The following SEMA6A variants were observed in gnomAD, a reference collection of about 807,000 sequenced individuals.
SEMA6A encodes the protein semaphorin 6A.
A neutral mutation model predicts 96.8 loss-of-function variants in SEMA6A; 25 were observed. The ratio of observed to expected loss-of-function variants is 0.26; its 90% CI spans 0.19 to 0.36. The LOEUF (loss-of-function observed/expected upper bound fraction) is 0.36. Among genes scored for constraint, SEMA6A ranks in the 10% least tolerant of loss-of-function variants. The pLI, the probability that SEMA6A is intolerant of heterozygous loss-of-function variation, is 1.00. For synonymous variants in SEMA6A, 612 were observed against 518.0 expected (o/e 1.18, Z -2.46); for missense variants, 1,363 against 1,323.1 (o/e 1.03, Z -0.47).
In SEMA6A at chr5:116,467,452, G is replaced by A. The variant is rs139167885; in HGVS notation, c.1894+131C>T. On this transcript the variant is annotated intron_variant, in intron 18 of 18. Transcript: ENST00000343348. ...AGAGGATGGGGTTGCAGTCTTTTTC[G>A]AGAAACTTTCAATCATAGCGCATTG... 1.5e-4 allele frequency: 134 copies of A among 871,796 alleles called. No homozygotes were observed. The African/African-American group carries it at 2.0e-3, about 13-fold the overall frequency. The allele number at this position is 871,796 out of a possible 1,614,324, so 54.0% of individuals were successfully genotyped here. A position where few individuals can be genotyped will look rare whatever the true frequency, so the allele number is the denominator to read the frequency against.
intron 1 of SEMA6A, among the ~76,000 whole-genome samples, chr5:116,524,210 A>T (rs1759100416): frequency 6.6e-6 from 1 of 152,194 alleles, no homozygotes; most frequent in South Asian, 2.1e-4. Flanking sequence ...GATGCTGTGG[A>T]GAAGAAGCCA....
chr5:116,516,522 T>C (rs1758676475), intron 1 of SEMA6A, among the ~76,000 whole-genome samples: 1 of 152,174 alleles, frequency 6.6e-6, no homozygotes, highest in African/African-American at 2.4e-5. Flanking sequence ...AATATCTTTA[T>C]TGGCTTTGCT....
At chr5:116,495,988 C>A (rs1017259446) in intron 5 of SEMA6A, 14 of 412,264 alleles carry the variant, frequency 3.4e-5, no homozygotes, top group Admixed American at 2.8e-4. Context: ...GAAGACAAGA[C>A]TCTGGGCAGC....
At chr5:116,454,051 C>A (rs563290530) in intron 18 of SEMA6A, among the ~76,000 whole-genome samples, 1 of 152,168 alleles carries the variant, frequency 6.6e-6, no homozygotes, top group African/African-American at 2.4e-5. Context: ...CACCCCCTTT[C>A]ACTGGACGGC....
At chr5:116,475,513 A>T in intron 16 of SEMA6A, 32 bp downstream of exon 16, 1 of 1,525,750 alleles carries the variant, frequency 6.6e-7, no homozygotes. Context: ...ATCTTTGCCC[A>T]AAGATAAAAA....
At position 116,447,257 on chromosome 5, in the gene SEMA6A, C is replaced by T; in HGVS notation, c.2449G>A (p.Val817Ile). ...ASPSHIPSVV[V>I]LPITQQGYQH... ...TAGCCCTGCTGCGTGATGGGCAGGA[C>T]CACCACGCTGGGGATGTGGCTGGGG... is the stretch of plus-strand genomic sequence containing the variant. The change falls in exon 19 of 19, where the codon GTC (valine) becomes ATC (isoleucine). Residue 817 changes from valine (V) to isoleucine (I), a missense_variant. Val to Ile is a conservative substitution (Grantham distance 29, BLOSUM62 3). This residue lies in a region of SEMA6A where 883 missense variants were observed against 763.6 expected (regional missense o/e 1.16). Transcript: ENST00000343348. The T allele has an allele frequency of 6.2e-7, 1 of 1,613,954 alleles. No individual in the cohort carries two copies. Among genetic ancestry groups the T allele is most frequent in the Non-Finnish European group, 8.5e-7 (1 of 1,179,902 alleles).
intron 18 of SEMA6A, among the ~76,000 whole-genome samples, chr5:116,455,927 T>A (rs1243687936): frequency 2.0e-5 from 3 of 152,112 alleles, no homozygotes; most frequent in Non-Finnish European, 4.4e-5. Context: ...AAGGACTAAA[T>A]AGGTTGAATA....
chr5:116,483,176 A>G (rs893734551), intron 10 of SEMA6A, among the ~76,000 whole-genome samples: 3 of 152,242 alleles, frequency 2.0e-5, no homozygotes, highest in Non-Finnish European at 4.4e-5. Flanking sequence ...TTGCAAATAA[A>G]GTACTTTATA....
In SEMA6A at chr5:116,512,395, A is replaced by G. The variant is rs553997741; in HGVS notation, c.-38-7413T>C. Among the ~76,000 whole-genome samples, 28 of 152,310 alleles carry G rather than the reference A, an allele frequency of 1.8e-4. No homozygotes were observed. The East Asian group carries it at 5.4e-3, about 29-fold the overall frequency. ...TCTCAGCCATTAAGAGAGACATAAA[A>G]GCACCCATTTTGGAGGAAAGGGAAA... On this transcript the variant is annotated intron_variant, in intron 1 of 18. Transcript: ENST00000343348.
chr5:116,479,916 C>T (rs1465132201), intron 12 of SEMA6A, among the ~76,000 whole-genome samples: 1 of 152,134 alleles, frequency 6.6e-6, no homozygotes, highest in African/African-American at 2.4e-5. Flanking sequence ...GTCCAACTAG[C>T]CTGAAAATAT....
chr5:116,519,521 G>A (rs528094763), intron 1 of SEMA6A, among the ~76,000 whole-genome samples: 2 of 152,220 alleles, frequency 1.3e-5, no homozygotes, highest in African/African-American at 4.8e-5. Context: ...TTTAGAAATG[G>A]CTGAGTTTCT....
At chr5:116,479,055 G>C (rs978058015) in intron 12 of SEMA6A, among the ~76,000 whole-genome samples, 1 of 152,122 alleles carries the variant, frequency 6.6e-6, no homozygotes, top group Admixed American at 6.5e-5. Flanking sequence ...TGTCTCCTAT[G>C]AGGAGGGTAA....
intron 12 of SEMA6A, 110 bp downstream of exon 12, chr5:116,480,012 C>T: frequency 7.7e-7 from 1 of 1,290,688 alleles, no homozygotes; most frequent in Non-Finnish European, 1.1e-6. Context: ...AATGAATGCC[C>T]AGGATAGCAG....
In SEMA6A at chr5:116,463,660, A is replaced by T. The variant is rs562889866; in HGVS notation, c.1894+3923T>A. On this transcript the variant is annotated intron_variant, in intron 18 of 18. Transcript: ENST00000343348. ...TTAATGTGCATATTTTCTGGACTAA[A>T]TGTAATAATGTGATAATATCTCACT... Among the ~76,000 whole-genome samples the T allele has an allele frequency of 2.2e-3, 328 of 152,302 alleles. 4 individuals carry two copies. Among genetic ancestry groups the T allele is most frequent in the African/African-American group, 7.6e-3 (316 of 41,572 alleles).
chr5:116,571,222 T>A (rs1208808318), intron 1 of SEMA6A, among the ~76,000 whole-genome samples: 2 of 152,262 alleles, frequency 1.3e-5, no homozygotes, highest in Non-Finnish European at 2.9e-5. Flanking sequence ...TGTTCTATAC[T>A]GGTTCTTATA....
At chr5:116,491,863 A>C in intron 6 of SEMA6A, 33 bp from the exon 7 acceptor site, 1 of 1,522,152 alleles carries the variant, frequency 6.6e-7, no homozygotes, top group Non-Finnish European at 9.1e-7. Context: ...ATTACAAACA[A>C]CAACCTTTTC....
At chr5:116,521,267 G>A (rs983126158) in intron 1 of SEMA6A, among the ~76,000 whole-genome samples, 3 of 152,192 alleles carry the variant, frequency 2.0e-5, no homozygotes, top group Non-Finnish European at 4.4e-5. Flanking sequence ...TCAAGCACTG[G>A]CTTGTTACTA....
At chr5:116,563,195 G>T (rs1330942318) in intron 1 of SEMA6A, among the ~76,000 whole-genome samples, 1 of 152,154 alleles carries the variant, frequency 6.6e-6, no homozygotes, top group Non-Finnish European at 1.5e-5. Flanking sequence ...TTATTTGAAA[G>T]AACTGGGGCA....
intron 4 of SEMA6A, among the ~76,000 whole-genome samples, 160 bp downstream of exon 4, chr5:116,497,167 C>T (rs1484066392): frequency 1.3e-5 from 2 of 152,162 alleles, no homozygotes; most frequent in African/African-American, 4.8e-5. Context: ...GAACATGTAT[C>T]AAATCCTAAC....
Sources: gnomAD v4.1 joint callset for allele counts (sites outside exome capture counted in the v4.1 genomes callset) on GRCh38, gnomAD v4.1.1 for gene constraint, gnomAD v4.1.1 regional missense constraint, MANE v1.5 for transcripts, NCBI Gene and HGNC (gene_info 2026-07-23, HGNC 2026-07-21) for gene names.